PHACTR2: variants seen among roughly 807,000 people sequenced by gnomAD.
PHACTR2 encodes the protein phosphatase and actin regulator 2.
Under a neutral mutation model 76.0 loss-of-function variants are expected in PHACTR2, and 30 were observed. The observed-to-expected ratio is 0.39, with a 90% CI of 0.30 to 0.54. PHACTR2 has a LOEUF of 0.54. Ranked by LOEUF, PHACTR2 falls within the 20% of genes least tolerant of loss-of-function variation. The probability of loss-of-function intolerance (pLI) is 0.61; values close to 1 mark genes in which losing one functional copy is unlikely to be tolerated. For synonymous variants in PHACTR2, 292 were observed against 292.5 expected (o/e 1.00, Z 0.02); for missense variants, 696 against 781.1 (o/e 0.89, Z 1.30).
In PHACTR2 at chr6:143,705,149, C is replaced by T. The variant is rs193089852; in HGVS notation, c.47-6867C>T. Among the ~76,000 whole-genome samples, 28 of 151,494 alleles carry T rather than the reference C, an allele frequency of 1.8e-4. No homozygotes were observed. In the East Asian group the frequency reaches 4.7e-3, roughly 26 times the overall value. On this transcript the variant is annotated intron_variant, in intron 1 of 12. Transcript: ENST00000440869. ...CTTGTTTTATTTTTGAGACAAGTCT[C>T]GCTCTGTAGCCCAGGCTGGAGTAAA...
chr6:143,569,991 G>T (rs548634852), intron 1 of PHACTR2, among the ~76,000 whole-genome samples: 1 of 152,282 alleles, frequency 6.6e-6, no homozygotes, highest in Non-Finnish European at 1.5e-5. Flanking sequence ...CGATTCAGTA[G>T]ATGTTTTTGA....
intron 1 of PHACTR2, among the ~76,000 whole-genome samples, chr6:143,574,252 C>T (rs758215693): frequency 2.0e-5 from 3 of 152,160 alleles, no homozygotes; most frequent in South Asian, 2.1e-4. Flanking sequence ...AGGAGAATCC[C>T]GGTCTCTAGT....
intron 1 of PHACTR2, among the ~76,000 whole-genome samples, chr6:143,645,887 G>A (rs1776652124): frequency 6.6e-6 from 1 of 152,058 alleles, no homozygotes; most frequent in Non-Finnish European, 1.5e-5. Flanking sequence ...TTTAAAGTGT[G>A]TATTCGTATC....
chr6:143,785,744 C>T (rs1163392283), intron 10 of PHACTR2, among the ~76,000 whole-genome samples: 1 of 152,226 alleles, frequency 6.6e-6, no homozygotes, highest in African/African-American at 2.4e-5. Context: ...ACAAGCTCAA[C>T]ACCATATGGA....
chr6:143,555,150 A>G (rs773799465), intron 1 of PHACTR2: 1 of 151,976 alleles, frequency 6.6e-6, no homozygotes, highest in African/African-American at 2.4e-5. Context: ...TGTGATTCTT[A>G]TCTTCCCTTT....
At chr6:143,555,439 T>C (rs564075619) in intron 1 of PHACTR2, among the ~76,000 whole-genome samples, 2 of 152,184 alleles carry the variant, frequency 1.3e-5, no homozygotes, top group African/African-American at 4.8e-5. Flanking sequence ...TGCTTCTAAG[T>C]TGCATGCCTC....
chr6:143,587,351 C>T (rs1415476991), intron 1 of PHACTR2, among the ~76,000 whole-genome samples: 3 of 152,080 alleles, frequency 2.0e-5, no homozygotes, highest in African/African-American at 4.8e-5. Context: ...ACATTTTCAG[C>T]GATCAAGAAT....
intron 1 of PHACTR2, among the ~76,000 whole-genome samples, chr6:143,705,016 C>T (rs543188724): frequency 6.6e-6 from 1 of 151,850 alleles, no homozygotes; most frequent in African/African-American, 2.4e-5. Context: ...TTAGTAGAGA[C>T]AGGGTTTCAC....
At position 143,777,667 on chromosome 6, in the gene PHACTR2, C is replaced by T. The variant is rs865901558; in HGVS notation, c.1645+284C>T. Among the ~76,000 whole-genome samples, 4 of 152,212 alleles carry T rather than the reference C, an allele frequency of 2.6e-5. No homozygotes were observed. Among genetic ancestry groups the T allele is most frequent in the African/African-American group, 7.2e-5 (3 of 41,530 alleles). ...ATGAAATATATTCCATGTATTCTTT[C>T]ACCCAAATATTAAATAGAAAAAGAA... is the stretch of plus-strand genomic sequence containing the variant. On this transcript the variant is annotated intron_variant, in intron 9 of 12. Coordinates refer to ENST00000440869, the MANE Select transcript of PHACTR2 (RefSeq NM_001100164.2). This position sits in a 1 kb window ranked among gnomAD's most constrained non-coding sequence, Gnocchi z 4.6.
chr6:143,605,742 A>G (rs988746907), upstream of PHACTR2, among the ~76,000 whole-genome samples: 28 of 151,872 alleles, frequency 1.8e-4, no homozygotes, highest in African/African-American at 6.8e-4. This position sits in a 1 kb window ranked among gnomAD's most constrained non-coding sequence, Gnocchi z 5.0. Flanking sequence ...TTAAGTATTT[A>G]TAGGCAAGGG....
chr6:143,753,952 T>C lies in PHACTR2; in HGVS notation c.454+40T>C. 11 of 1,437,878 alleles carry C rather than the reference T, an allele frequency of 7.7e-6. No individual in the cohort carries two copies. The highest frequency in any genetic ancestry group is 1.0e-5 in the Non-Finnish European group (11 of 1,061,882). 89.1% of individuals were successfully genotyped at this position (1,437,878 alleles called of 1,614,324 possible). A position where few individuals can be genotyped will look rare whatever the true frequency, so the allele number is the denominator to read the frequency against. On this transcript the variant is annotated intron_variant, in intron 4 of 12. Transcript: ENST00000440869. This position sits in a 1 kb window ranked among gnomAD's most constrained non-coding sequence, Gnocchi z 4.6. ...AACCCATATTATTTACTTTAGTATA[T>C]AGCTCAATGTCTAGAACCAGCACTT...
rs1776612670 is a variant in PHACTR2 at position 143,829,349 on chromosome 6, A to G, written c.*5660A>G. 1 of 152,168 alleles carries G rather than the reference A, an allele frequency of 6.6e-6. No homozygotes were observed. The highest frequency in any genetic ancestry group is 6.5e-5 in the Admixed American group (1 of 15,276). 9.4% of individuals were successfully genotyped at this position (152,168 alleles called of 1,614,324 possible). ...TGGTGGTCTTTGGAAATAAATCACC[A>G]TTAGATTTCACCTGGTTATGCTGCA... On this transcript the variant is annotated 3_prime_UTR_variant, in exon 13 of 13. Coordinates refer to ENST00000440869, the MANE Select transcript of PHACTR2 (RefSeq NM_001100164.2).
In PHACTR2 at chr6:143,750,550, T is replaced by A. The variant is rs1237063201; in HGVS notation, c.295+1485T>A. On this transcript the variant is annotated intron_variant, in intron 3 of 12. Transcript: ENST00000440869. The surrounding 1 kb of genome is among the most constrained non-coding windows in gnomAD (Gnocchi z 4.6). ...AAATGGAAAATTTTATGATTGAAAC[T>A]GTTAATGGGTTTAAATGTGAAGATT... 2.0e-5 allele frequency among the ~76,000 whole-genome samples: 3 copies of A among 152,248 alleles called. No individual in the cohort carries two copies. Among genetic ancestry groups the A allele is most frequent in the South Asian group, 2.1e-4 (1 of 4,836 alleles).
chr6:143,772,240 C>G lies in PHACTR2; in HGVS notation c.1233-18C>G, dbSNP rs759261131. 3 of 1,598,818 alleles carry G rather than the reference C, an allele frequency of 1.9e-6. No individual in the cohort carries two copies. Among genetic ancestry groups the G allele is most frequent in the South Asian group, 1.1e-5 (1 of 90,726 alleles). On this transcript the variant is annotated intron_variant, in intron 6 of 12. Transcript: ENST00000440869. The surrounding 1 kb of genome is among the most constrained non-coding windows in gnomAD (Gnocchi z 5.4). ...CTCTGAGCTTCACATCACTCCCATGCTTTTCTGCCTTTAACAGTTTCACAA... is the reference window on the plus strand; with the variant it reads ...CTCTGAGCTTCACATCACTCCCATGGTTTTCTGCCTTTAACAGTTTCACAA...
Position 143,659,871 on chromosome 6 carries a change from T to C in PHACTR2, c.13+51549T>C, listed in dbSNP as rs541193421. 1.6e-4 allele frequency among the ~76,000 whole-genome samples: 25 copies of C among 152,216 alleles called. No individual in the cohort carries two copies. The highest frequency in any genetic ancestry group is 2.8e-4 in the Non-Finnish European group (19 of 68,034). On this transcript the variant is annotated intron_variant, in intron 1 of 11. Transcript: ENST00000305766. This position sits in a 1 kb window ranked among gnomAD's most constrained non-coding sequence, Gnocchi z 5.0. ...TGTTCCTGATTAGCTTTAGCACTGGTGTATTTCAACCAAATCAATTTTTAA... is the reference window on the plus strand; with the variant it reads ...TGTTCCTGATTAGCTTTAGCACTGGCGTATTTCAACCAAATCAATTTTTAA...
At chr6:143,740,508 TAAAA>T (rs10638908) in intron 2 of PHACTR2, among the ~76,000 whole-genome samples, 1 of 128,688 alleles carries the variant, frequency 7.8e-6, no homozygotes, top group East Asian at 2.3e-4. Context: ...TCCTTTTAAT[TAAAA>T]AAAAAAAAAA....
Position 143,772,263 on chromosome 6 carries a change from C to A in PHACTR2, c.1238C>A (p.Thr413Lys), listed in dbSNP as rs1775170931. The A allele has an allele frequency of 2.5e-6, 4 of 1,612,838 alleles. No individual in the cohort carries two copies. The highest frequency in any genetic ancestry group is 3.4e-6 in the Non-Finnish European group (4 of 1,178,902). Residue 413 changes from threonine (T) to lysine (K), a missense_variant, in exon 7 of 13, where the codon ACA (threonine) becomes AAA (lysine). Thr to Lys is a moderately conservative substitution (Grantham distance 78). Around this residue, in one of 2 missense-constraint regions of PHACTR2, gnomAD observed 236 missense variants for 330.2 expected, o/e 0.71. Coordinates refer to ENST00000440869, the MANE Select transcript of PHACTR2 (RefSeq NM_001100164.2). The surrounding 1 kb of genome is among the most constrained non-coding windows in gnomAD (Gnocchi z 5.4). ...TGCTTTTCTGCCTTTAACAGTTTCA[C>A]AACCAAAGAGGAGCTGGGGAAGACA... ...SVNRENAKCF[T>K]TKEELGKTVP... is the part of the protein sequence containing the mutation.
At position 143,807,852 on chromosome 6, in the gene PHACTR2, G is replaced by A. The variant is rs897619659; in HGVS notation, c.1922+719G>A. Among the ~76,000 whole-genome samples, 21 of 152,154 alleles carry A rather than the reference G, an allele frequency of 1.4e-4. No individual in the cohort carries two copies. The highest frequency in any genetic ancestry group is 5.1e-4 in the African/African-American group (21 of 41,426). ...CTAAGCTACAGCCATACATCCTGGT[G>A]CCACTGTTCCTGCAGTCCCGGTGAT... On this transcript the variant is annotated intron_variant, in intron 12 of 12. Coordinates refer to ENST00000440869, the MANE Select transcript of PHACTR2 (RefSeq NM_001100164.2). The surrounding 1 kb of genome is among the most constrained non-coding windows in gnomAD (Gnocchi z 5.5).
chr6:143,732,021 T>G (rs1213753381), intron 2 of PHACTR2, among the ~76,000 whole-genome samples: 1 of 152,236 alleles, frequency 6.6e-6, no homozygotes. Flanking sequence ...ACCAACTGCC[T>G]TATCTCCTTC....
Sources: allele counts gnomAD v4.1 joint callset (sites outside exome capture counted in the v4.1 genomes callset), GRCh38; gene constraint gnomAD v4.1.1; regional missense constraint gnomAD v4.1.1; non-coding constraint Gnocchi (gnomAD v3.1); transcripts MANE v1.5; gene names NCBI Gene and HGNC (gene_info 2026-07-23, HGNC 2026-07-21).